The following MYO15A variants were observed in gnomAD, a reference collection of about 807,000 sequenced individuals.
The protein encoded by MYO15A is myosin XVA, also known as unconventional myosin-XV.
Under a neutral mutation model 394.6 loss-of-function variants are expected in MYO15A, and 308 were observed. That is an observed-to-expected ratio of 0.78 (90% confidence interval 0.71 to 0.86). The LOEUF (loss-of-function observed/expected upper bound fraction) is 0.86, where lower values mean the gene tolerates loss of function less well. Among genes scored for constraint, MYO15A ranks in the 40% least tolerant of loss-of-function variants. MYO15A has a pLI of 0.00. For synonymous variants in MYO15A, 1,957 were observed against 2,003.8 expected, an observed-to-expected ratio of 0.98 and a Z score of 0.62; for missense variants, 4,606 against 4,799.1, an observed-to-expected ratio of 0.96 and a Z score of 1.19.
At chr17:18,161,941 C>T (rs1006199118) in intron 57 of MYO15A, among the ~76,000 whole-genome samples, 2 of 152,080 alleles carry the variant, frequency 1.3e-5, no homozygotes, top group Admixed American at 1.3e-4. Flanking sequence ...ACCCCTGGGG[C>T]TCCCTAAGAA....
Position 18,155,188 on chromosome 17 carries a change from C to G in MYO15A, c.8303C>G (p.Thr2768Ser), listed in dbSNP as rs745500784. 1 of 1,613,978 alleles carries G rather than the reference C, an allele frequency of 6.2e-7. No homozygotes were observed. Among genetic ancestry groups the G allele is most frequent in the Non-Finnish European group, 8.5e-7 (1 of 1,180,022 alleles). ...GCCGTGGTCAGCACTGCACGAGACA[C>G]CTGGGAGGTCTACTTCTCCCGCATC... is the stretch of plus-strand genomic sequence containing the variant. ...KRAVVSTARD[T>S]WEVYFSRIFP... is the part of the protein sequence containing the mutation. The change falls in exon 46 of 66, where the codon ACC becomes AGC. Residue 2768 changes from threonine (T) to serine (S), a missense_variant. This residue lies in a region of MYO15A where 2,776 missense variants were observed against 3,109.3 expected (regional missense o/e 0.89). Coordinates refer to ENST00000647165, the MANE Select transcript of MYO15A (RefSeq NM_016239.4).
At position 18,117,774 on chromosome 17, in the gene MYO15A, A is replaced by G. The variant is rs1295480309; in HGVS notation, c.-219-808A>G. 6.6e-6 allele frequency among the ~76,000 whole-genome samples: 1 copy of G among 152,230 alleles called. No individual in the cohort carries two copies. The highest frequency in any genetic ancestry group is 2.4e-5 in the African/African-American group (1 of 41,448). On this transcript the variant is annotated intron_variant, in intron 1 of 65. Transcript: ENST00000647165. The surrounding 1 kb of genome is among the most constrained non-coding windows in gnomAD (Gnocchi z 4.1). ...CAGAGAAGGCAGTAACCACATGGCCACAGCCTACTCAGCCAGGGCAGAAAG... is the reference window on the plus strand; with the variant it reads ...CAGAGAAGGCAGTAACCACATGGCCGCAGCCTACTCAGCCAGGGCAGAAAG...
rs2047055636 is a variant in MYO15A at position 18,179,160 on chromosome 17, AC to A, written c.*293del. ...AGGACCATGAGGCCTCCTGCCATGT[AC>A]CCATTGCAGACCCTGCCCCTAACTC... On this transcript the variant is annotated 3_prime_UTR_variant, in exon 66 of 66. Coordinates refer to ENST00000647165, the MANE Select transcript of MYO15A (RefSeq NM_016239.4). 3.9e-6 allele frequency: 2 copies of A among 516,102 alleles called. No individual in the cohort carries two copies. The highest frequency in any genetic ancestry group is 6.4e-5 in the Admixed American group (2 of 31,092). 32.0% of individuals were successfully genotyped at this position (516,102 alleles called of 1,614,324 possible).
chr17:18,151,653 C>T (rs2046584964), intron 40 of MYO15A, 126 bp downstream of exon 40: 1 of 1,324,834 alleles, frequency 7.5e-7, no homozygotes, highest in South Asian at 1.2e-5. Flanking sequence ...TTTCTTTATA[C>T]TGATGAGTCC....
chr17:18,141,815 G>A lies in MYO15A; in HGVS notation c.5649+45G>A, dbSNP rs758880812. ...CAGCCCTTGGAGACCCCAAGTTTGG[G>A]GGGGTCCACAACTACTGAGTCAGAA... On this transcript the variant is annotated intron_variant, in intron 23 of 65. Transcript: ENST00000647165. The A allele has an allele frequency of 4.4e-6, 7 of 1,589,576 alleles. No homozygotes were observed. In the East Asian group the frequency reaches 6.7e-5, roughly 15 times the overall value.
intron 21 of MYO15A, 70 bp downstream of exon 21, chr17:18,140,902 G>A: frequency 6.2e-7 from 1 of 1,612,744 alleles, no homozygotes; most frequent in Non-Finnish European, 8.5e-7. Context: ...TGGGCAAGTG[G>A]CTTGGCCTCT....
At position 18,130,828 on chromosome 17, in the gene MYO15A, G is replaced by T. The variant is rs764443803; in HGVS notation, c.4038+18G>T. On this transcript the variant is annotated intron_variant, in intron 8 of 65. Coordinates refer to ENST00000647165, the MANE Select transcript of MYO15A (RefSeq NM_016239.4). ...AGATAAAGGTACTCAGTGTGTGTGTGTGTGTGTGTGTGTGTGTGTGTGTGT... is the reference window on the plus strand; with the variant it reads ...AGATAAAGGTACTCAGTGTGTGTGTTTGTGTGTGTGTGTGTGTGTGTGTGT... 1 of 1,353,936 alleles carries T rather than the reference G, an allele frequency of 7.4e-7. No individual in the cohort carries two copies. Among genetic ancestry groups the T allele is most frequent in the Non-Finnish European group, 1.0e-6 (1 of 974,472 alleles). The allele number at this position is 1,353,936 out of a possible 1,614,324, so 83.9% of individuals were successfully genotyped here.
Position 18,139,596 on chromosome 17 carries a change from A to T in MYO15A, c.5196A>T (p.Val1732=). The T allele has an allele frequency of 6.2e-7, 1 of 1,614,014 alleles. No homozygotes were observed. Among genetic ancestry groups the T allele is most frequent in the Non-Finnish European group, 8.5e-7 (1 of 1,179,982 alleles). Residue 1732 remains valine (V), a synonymous_variant, in exon 19 of 66, where the codon GTA becomes GTT. Transcript: ENST00000647165. ...QVRQDVLDLF[V]RSRTRVVAHL... The stretch of plus-strand genomic sequence containing the variant: ...GCCAGGATGTGCTGGACCTGTTCGT[A>T]CGGAGCCGGACACGGGTAAGCCTCG...
chr17:18,124,418 C>T, intron 2 of MYO15A, 65 bp from the exon 3 acceptor site: 3 of 1,553,052 alleles, frequency 1.9e-6, no homozygotes, highest in Non-Finnish European at 2.6e-6. Flanking sequence ...TATGACCAAG[C>T]CAGGGGTCAG....
Position 18,142,812 on chromosome 17 carries a change from C to T in MYO15A, c.5882C>T (p.Ala1961Val). ...SLVKFRSLVH[A>V]YVSRRRYLKL... ...GTGAAGTTCCGGTCCCTGGTACACG[C>T]ATACGTGAGCCGCCGACGCTATCTC... is the stretch of plus-strand genomic sequence containing the variant. The change falls in exon 25 of 66, where the codon GCA becomes GTA. Residue 1961 changes from alanine (A) to valine (V), a missense_variant. By Grantham distance (64) the Ala-to-Val change is moderately conservative. Transcript: ENST00000647165. 6.2e-7 allele frequency: 1 copy of T among 1,613,408 alleles called. No homozygotes were observed. The highest frequency in any genetic ancestry group is 8.5e-7 in the Non-Finnish European group (1 of 1,179,862).
Position 18,142,068 on chromosome 17 carries a change from C to T in MYO15A, c.5650-11C>T, listed in dbSNP as rs770882797. On this transcript the variant is annotated splice_polypyrimidine_tract_variant and intron_variant, in intron 23 of 65. Transcript: ENST00000647165. ...CTCCTATCTGCCTCAGTGCCTTCCT[C>T]CTGTCCTTAGCTGTTCCTTAAGGAA... 2 of 1,611,766 alleles carry T rather than the reference C, an allele frequency of 1.2e-6. No individual in the cohort carries two copies. The highest frequency in any genetic ancestry group is 1.7e-5 in the Admixed American group (1 of 60,006).
intron 35 of MYO15A, 29 bp downstream of exon 35, chr17:18,149,609 C>T (rs1309354604): frequency 6.2e-7 from 1 of 1,604,586 alleles, no homozygotes; most frequent in Non-Finnish European, 8.5e-7. Context: ...GGGTCATTTG[C>T]AGACAGCAGG....
Position 18,142,170 on chromosome 17 carries a change from G to C in MYO15A, c.5741G>C (p.Arg1914Pro). ...GCCCTCACTCTGCAGCGCTGCCTCC[G>C]TGGCTTCTTCATTAAGCGGCGATTC... ...LAALTLQRCLRGFFIKRRFRS... is the reference protein window; with the variant it reads ...LAALTLQRCLPGFFIKRRFRS... The change falls in exon 24 of 66, where the codon CGT (arginine) becomes CCT (proline). Residue 1914 changes from arginine to proline, a missense_variant. Around this residue, in one of 2 missense-constraint regions of MYO15A, gnomAD observed 2,776 missense variants for 3,109.3 expected, o/e 0.89. Transcript: ENST00000647165. 1 of 1,613,836 alleles carries C rather than the reference G, an allele frequency of 6.2e-7. No individual in the cohort carries two copies. The highest frequency in any genetic ancestry group is 8.5e-7 in the Non-Finnish European group (1 of 1,180,020).
In MYO15A at chr17:18,158,609, G is replaced by A. The variant is rs1383966140; in HGVS notation, c.9054G>A (p.Lys3018=). 2 of 1,614,200 alleles carry A rather than the reference G, an allele frequency of 1.2e-6. No homozygotes were observed. The highest frequency in any genetic ancestry group is 2.7e-5 in the African/African-American group (2 of 75,050). ...PPYTMLEFAQ[K]YFRDPQRRPQ... is the part of the protein sequence containing the mutation. ...ACACAATGCTCGAGTTTGCCCAGAAGTATTTCCGAGACCCTCAGAGGAGAC... is the reference window on the plus strand; with the variant it reads ...ACACAATGCTCGAGTTTGCCCAGAAATATTTCCGAGACCCTCAGAGGAGAC... Residue 3018 remains lysine (K), a synonymous_variant, in exon 52 of 66, where the codon AAG becomes AAA. Coordinates refer to ENST00000647165, the MANE Select transcript of MYO15A (RefSeq NM_016239.4).
Position 18,145,934 on chromosome 17 carries a change from C to T in MYO15A, c.6336C>T (p.Tyr2112=), listed in dbSNP as rs76886140. ...HGARENIFGN[Y]IVQKGLAVPE... Reference sequence around the variant, plus strand: ...CCCGGGAGAACATCTTCGGGAACTACATCGTGCAGAAGGGGCTGGCGGTGC... The same window carrying T: ...CCCGGGAGAACATCTTCGGGAACTATATCGTGCAGAAGGGGCTGGCGGTGC... The change falls in exon 30 of 66, where the codon TAC becomes TAT. Residue 2112 remains tyrosine (Y), a synonymous_variant. Transcript: ENST00000647165. The T allele has an allele frequency of 1.3e-3, 2,029 of 1,613,776 alleles. 20 individuals are homozygous for T. In the African/African-American group the frequency reaches 0.023, roughly 19 times the overall value.
rs572456405 is a variant in MYO15A, at chr17:18,150,378, C to A, written c.7213-51C>A. The A allele has an allele frequency of 1.2e-5, 19 of 1,554,446 alleles. No homozygotes were observed. In the East Asian group the frequency reaches 1.8e-4, roughly 15 times the overall value. ...GTGTCAGGTGCCTGTTGCCATGGAA[C>A]CTTGGGAGTACAATAATGAGATGGT... On this transcript the variant is annotated intron_variant, in intron 35 of 65. Transcript: ENST00000647165. The surrounding 1 kb of genome is among the most constrained non-coding windows in gnomAD (Gnocchi z 4.4).
chr17:18,176,563 T>TAC (rs2047017606), intron 65 of MYO15A: 4 of 137,498 alleles, frequency 2.9e-5, no homozygotes, highest in African/African-American at 1.1e-4. Flanking sequence ...TTTTTTTTTT[T>TAC]TACTACAGTG....
rs369087707 is a variant in MYO15A at position 18,126,815 on chromosome 17, C to T, written c.3891C>T (p.Leu1297=). The T allele has an allele frequency of 8.1e-6, 13 of 1,613,532 alleles. No individual in the cohort carries two copies. The highest frequency in any genetic ancestry group is 3.3e-4 in the Middle Eastern group (2 of 6,078). ...GGCACCTCTTTGCTGTTGCAAATCT[C>T]GCCTTCGCCAAAATGCTCGATGCCA... ...NPPHLFAVAN[L]AFAKMLDAKQ... Residue 1297 remains leucine, a synonymous_variant, in exon 6 of 66, where the codon CTC becomes CTT. Transcript: ENST00000647165.
In MYO15A at chr17:18,173,938, G is replaced by C. The variant is rs766325261; in HGVS notation, c.10491+17G>C. On this transcript the variant is annotated intron_variant, in intron 65 of 65. Transcript: ENST00000647165. ...CTGGAGCAGGTGGGCCCAGCGCTAA[G>C]TCCAACATTCCACTCACTGGGCCCT... 1 of 1,611,534 alleles carries C rather than the reference G, an allele frequency of 6.2e-7. No homozygotes were observed.
Sources: allele counts gnomAD v4.1 joint callset (sites outside exome capture counted in the v4.1 genomes callset), GRCh38; gene constraint gnomAD v4.1.1; regional missense constraint gnomAD v4.1.1; non-coding constraint Gnocchi (gnomAD v3.1); transcripts MANE v1.5; gene names NCBI Gene and HGNC (gene_info 2026-07-23, HGNC 2026-07-21).